The following CR1 variants were observed in gnomAD, a reference collection of about 807,000 sequenced individuals.
CR1 encodes complement C3b/C4b receptor 1 (Knops blood group), also known as complement receptor type 1.
Under a neutral mutation model 187.3 loss-of-function variants are expected in CR1, and 116 were observed. The observed-to-expected ratio is 0.62, with a 90% CI of 0.53 to 0.72. CR1 has a LOEUF of 0.72. CR1 is among the 30% of genes least tolerant of loss of function. The probability of loss-of-function intolerance (pLI) is 0.00; values close to 1 mark genes in which losing one functional copy is unlikely to be tolerated. For missense variants in CR1, 1,731 were observed against 2,110.7 expected (o/e 0.82, Z 3.52); for synonymous variants, 576 against 747.1 (o/e 0.77, Z 3.73).
chr1:207,631,667 G>T (rs1226659220), intron 46 of CR1, among the ~76,000 whole-genome samples: 1 of 152,050 alleles, frequency 6.6e-6, no homozygotes, highest in Non-Finnish European at 1.5e-5. Flanking sequence ...AGACTCTCGG[G>T]CTTCTTGCAA....
chr1:207,639,271 CT>C, intron 46 of CR1, 125 bp from the exon 47 acceptor site: 1 of 819,566 alleles, frequency 1.2e-6, no homozygotes, highest in Non-Finnish European at 1.9e-6. Context: ...ACTTGTCCTC[CT>C]AAAGCAACTC....
chr1:207,567,896 T>A lies in CR1; in HGVS notation c.4025T>A (p.Phe1342Tyr). 1 of 1,610,750 alleles carries A rather than the reference T, an allele frequency of 6.2e-7. No homozygotes were observed. Among genetic ancestry groups the A allele is most frequent in the East Asian group, 2.2e-5 (1 of 44,896 alleles). ...GGAAAACCTCTGGAAGTCTTTCCCT[T>A]TGGAAAAGCAGTAAATTACACATGC... ...HTGKPLEVFP[F>Y]GKAVNYTCDP... is the part of the protein sequence containing the mutation. The change falls in exon 25 of 47, where the codon TTT (phenylalanine) becomes TAT (tyrosine). Residue 1342 changes from phenylalanine (F) to tyrosine (Y), a missense_variant. Physicochemically the swap from Phe to Tyr is conservative, Grantham distance 22 (BLOSUM62 3). Coordinates refer to ENST00000367049, the MANE Select transcript of CR1 (RefSeq NM_000651.6).
intron 39 of CR1, among the ~76,000 whole-genome samples, chr1:207,613,401 G>A (rs1481906314): frequency 6.6e-6 from 1 of 152,122 alleles, no homozygotes; most frequent in African/African-American, 2.4e-5. Context: ...AACCAATTAG[G>A]GAAGCTCAGG....
intron 13 of CR1, among the ~76,000 whole-genome samples, chr1:207,544,474 C>T (rs1660255320): frequency 2.0e-5 from 1 of 48,978 alleles, no homozygotes; most frequent in African/African-American, 1.0e-4. Flanking sequence ...AAGCTGAAGT[C>T]CAGAAAAGGG....
At chr1:207,613,029 G>C (rs548530313) in intron 39 of CR1, among the ~76,000 whole-genome samples, 2 of 152,108 alleles carry the variant, frequency 1.3e-5, no homozygotes, top group South Asian at 4.1e-4. Context: ...GCTTCCTTTC[G>C]CGTGGTACAG....
chr1:207,507,227 C>T (rs1659468204), intron 3 of CR1: 1 of 156,260 alleles, frequency 6.4e-6, no homozygotes, highest in Non-Finnish European at 1.4e-5. Flanking sequence ...TACTCCAAAA[C>T]GGGTGGCTTA....
Position 207,609,598 on chromosome 1 carries a change from TG to T in CR1, c.6206del (p.Cys2069PhefsTer8), listed in dbSNP as rs1291321119. 1 of 1,613,144 alleles carries T rather than the reference TG, an allele frequency of 6.2e-7. No homozygotes were observed. The highest frequency in any genetic ancestry group is 1.7e-5 in the Admixed American group (1 of 59,870). ...CCTCACTGAGATCATCAGATTTAGA[TG>T]TCAGCCCGGGTTTGTCATGGTAGGG... ...FTLTEIIRFRCQPGFVMVGSH... is the reference protein window; with the variant it reads ...FTLTEIIRFRXQPGFVMVGSH... On this transcript the variant is annotated frameshift_variant, in exon 37 of 47. Transcript: ENST00000367049. LOFTEE classifies it high-confidence loss of function.
chr1:207,611,530 A>T, intron 37 of CR1, 147 bp from the exon 38 acceptor site: 1 of 1,145,572 alleles, frequency 8.7e-7, no homozygotes, highest in Non-Finnish European at 1.2e-6. Flanking sequence ...CTTCCTTGTT[A>T]GTGAGATGTG....
In CR1 at chr1:207,577,696, G is replaced by T. The variant is rs183704800; in HGVS notation, c.4538-109G>T. On this transcript the variant is annotated intron_variant, in intron 28 of 46. Transcript: ENST00000367049. Reference sequence around the variant, plus strand: ...GAGGTGGGAGGATTGCTTGACCTGGGAAGTAGAGGTTGCAGTTAGCCATGA... The same window carrying T: ...GAGGTGGGAGGATTGCTTGACCTGGTAAGTAGAGGTTGCAGTTAGCCATGA... 42 of 1,519,014 alleles carry T rather than the reference G, an allele frequency of 2.8e-5. No homozygotes were observed. In the East Asian group the frequency reaches 8.5e-4, roughly 31 times the overall value. 94.1% of individuals were successfully genotyped at this position (1,519,014 alleles called of 1,614,324 possible). A position where few individuals can be genotyped will look rare whatever the true frequency, so the allele number is the denominator to read the frequency against.
At chr1:207,499,738 T>A (rs1659207968) in intron 1 of CR1, among the ~76,000 whole-genome samples, 2 of 152,158 alleles carry the variant, frequency 1.3e-5, no homozygotes, top group Non-Finnish European at 2.9e-5. Flanking sequence ...CCCTGCTAGG[T>A]AAAGGTGCAA....
rs1234870226 is a variant in CR1 at position 207,565,955 on chromosome 1, C to A, written c.3952+32C>A. 3 of 1,609,346 alleles carry A rather than the reference C, an allele frequency of 1.9e-6. 1 individual carries two copies. The East Asian group carries it at 6.7e-5, about 36-fold the overall frequency. On this transcript the variant is annotated intron_variant, in intron 24 of 46. Transcript: ENST00000367049. ...AATAGGAGCAACATTTCAGGCCAAT[C>A]TCTCCCCTTCATCTGTTCACTATTT...
At position 207,506,111 on chromosome 1, in the gene CR1, CT is replaced by C. The variant is rs774171837; in HGVS notation, c.301+29del. On this transcript the variant is annotated intron_variant, in intron 2 of 46. Transcript: ENST00000367049. ...AAGTAACTCTGGAGTGGGAACCCCCCTGTTAGTCAAACATCTGTAAGATCTG... is the reference window on the plus strand; with the variant it reads ...AAGTAACTCTGGAGTGGGAACCCCCCGTTAGTCAAACATCTGTAAGATCTG... 14 of 1,515,064 alleles carry C rather than the reference CT, an allele frequency of 9.2e-6. No individual in the cohort carries two copies. The Admixed American group carries it at 2.4e-4, about 26-fold the overall frequency. 93.9% of individuals were successfully genotyped at this position (1,515,064 alleles called of 1,614,324 possible). A position where few individuals can be genotyped will look rare whatever the true frequency, so the allele number is the denominator to read the frequency against.
intron 1 of CR1, among the ~76,000 whole-genome samples, chr1:207,498,415 G>GTTAC (rs1462861439): frequency 6.6e-6 from 1 of 152,168 alleles, no homozygotes; most frequent in Non-Finnish European, 1.5e-5. Context: ...GTTATTATGA[G>GTTAC]TTACTCACAG....
intron 34 of CR1, among the ~76,000 whole-genome samples, chr1:207,588,463 A>G (rs1661175488): frequency 6.6e-6 from 1 of 152,168 alleles, no homozygotes; most frequent in Non-Finnish European, 1.5e-5. Context: ...GAGCCCATAC[A>G]TAACCTTTAT....
At chr1:207,637,157 G>A (rs1384084608) in intron 46 of CR1, among the ~76,000 whole-genome samples, 1 of 152,160 alleles carries the variant, frequency 6.6e-6, no homozygotes, top group Non-Finnish European at 1.5e-5. Flanking sequence ...TGGTCTTGGG[G>A]TAGAGATTCC....
chr1:207,496,513 G>A, intron 1 of CR1, 125 bp downstream of exon 1: 1 of 990,632 alleles, frequency 1.0e-6, no homozygotes, highest in Non-Finnish European at 1.4e-6. Flanking sequence ...AGCGCGATGG[G>A]TGGGCTGAGC....
chr1:207,602,828 A>G (rs1466637858), intron 35 of CR1, among the ~76,000 whole-genome samples: 2 of 152,058 alleles, frequency 1.3e-5, no homozygotes, highest in Non-Finnish European at 2.9e-5. Flanking sequence ...AAAAATAAAT[A>G]CTTATAAATT....
At chr1:207,500,290 C>G (rs975754268) in intron 1 of CR1, among the ~76,000 whole-genome samples, 1 of 152,112 alleles carries the variant, frequency 6.6e-6, no homozygotes, top group African/African-American at 2.4e-5. Context: ...TGTTCGTGTA[C>G]ATATATAATT....
In CR1 at chr1:207,526,713, T is replaced by C; in HGVS notation, c.887-40T>C. 2 of 1,491,666 alleles carry C rather than the reference T, an allele frequency of 1.3e-6. 1 individual carries two copies. The highest frequency in any genetic ancestry group is 2.8e-5 in the South Asian group (2 of 72,388). 92.4% of individuals were successfully genotyped at this position (1,491,666 alleles called of 1,614,324 possible). On this transcript the variant is annotated intron_variant, in intron 5 of 46. Transcript: ENST00000367049. ...CAGTTTAACAGTGAGAAAAAAGTTGTTTTCACACAATTAGCTGTACTTTGT... is the reference window on the plus strand; with the variant it reads ...CAGTTTAACAGTGAGAAAAAAGTTGCTTTCACACAATTAGCTGTACTTTGT...
Sources: allele counts gnomAD v4.1 joint callset (sites outside exome capture counted in the v4.1 genomes callset), GRCh38; gene constraint gnomAD v4.1.1; transcripts MANE v1.5; gene names NCBI Gene and HGNC (gene_info 2026-07-23, HGNC 2026-07-21).